The following CHM variants were observed in gnomAD, a reference collection of about 807,000 sequenced individuals.
CHM encodes the protein rab proteins geranylgeranyltransferase component A 1.
Under a neutral mutation model 49.0 loss-of-function variants are expected in CHM, and 10 were observed. The ratio of observed to expected loss-of-function variants is 0.20; its 90% CI spans 0.13 to 0.35. The LOEUF is 0.35. Among genes scored for constraint, CHM ranks in the 10% least tolerant of loss-of-function variants. The pLI is 1.00. For synonymous variants in CHM, 184 were observed against 167.5 expected (o/e 1.10, Z -0.76); for missense variants, 455 against 478.4 (o/e 0.95, Z 0.46).
At chrX:85,928,439 A>G (rs1041012905) in intron 8 of CHM, among the ~76,000 whole-genome samples, 2 of 110,567 alleles carry the variant, frequency 1.8e-5, no homozygotes, top group Non-Finnish European at 3.8e-5. Flanking sequence ...GCTACTCGAG[A>G]GGCTGAGGCA....
chrX:86,043,474 T>C (rs1004850415), intron 1 of CHM, among the ~76,000 whole-genome samples: 2 of 109,832 alleles, frequency 1.8e-5, no homozygotes, highest in African/African-American at 6.6e-5. Flanking sequence ...GACACAACTA[T>C]AGCTCACTGC....
At chrX:85,982,086 C>T (rs1603269939) in intron 2 of CHM, among the ~76,000 whole-genome samples, 1 of 111,793 alleles carries the variant, frequency 8.9e-6, no homozygotes, top group Middle Eastern at 4.6e-3. Flanking sequence ...TTATGTGAAC[C>T]GCCTGACATG....
intron 11 of CHM, among the ~76,000 whole-genome samples, chrX:85,896,688 C>G (rs1016928873): frequency 1.1e-4 from 12 of 107,308 alleles, no homozygotes; most frequent in Non-Finnish European, 1.5e-4. Flanking sequence ...GGGAAAAATA[C>G]TGAGGAGCCC....
chrX:85,962,832 G>C (rs5968756), intron 5 of CHM, among the ~76,000 whole-genome samples: 18,989 of 110,461 alleles, frequency 0.17, 1,548 homozygotes, highest in Non-Finnish European at 0.25. Context: ...AATATTGTAC[G>C]CTTCTAAGAT....
At chrX:85,932,444 C>T (rs1354848564) in intron 8 of CHM, among the ~76,000 whole-genome samples, 2 of 112,113 alleles carry the variant, frequency 1.8e-5, no homozygotes, top group Admixed American at 9.5e-5. Context: ...AGAAATAAAG[C>T]AATATTTCTT....
intron 4 of CHM, chrX:85,971,647 G>C (rs1930920785): frequency 4.0e-6 from 1 of 248,575 alleles, no homozygotes; most frequent in Non-Finnish European, 7.8e-6. Flanking sequence ...CCTCCACAGT[G>C]TGGAAGGGGA....
chrX:85,901,365 T>C (rs1359006025), intron 9 of CHM, among the ~76,000 whole-genome samples, 177 bp from the exon 10 acceptor site: 1 of 111,684 alleles, frequency 9.0e-6, no homozygotes, highest in Non-Finnish European at 1.9e-5. Flanking sequence ...AGAATATATA[T>C]TCTTGTTGCT....
In CHM at chrX:85,881,621, G is replaced by T. The variant is rs1334554469; in HGVS notation, c.1511-2558C>A. On this transcript the variant is annotated intron_variant, in intron 12 of 14. Coordinates refer to ENST00000357749, the MANE Select transcript of CHM (RefSeq NM_000390.4). ...CCTGCCTGCAGAGTGTCTGCCTTTA[G>T]TCACTAAATTATATTATGTGATTCT... 3.6e-5 allele frequency among the ~76,000 whole-genome samples: 4 copies of T among 111,593 alleles called. No individual in the cohort carries two copies. In the East Asian group the frequency reaches 8.5e-4, roughly 24 times the overall value.
At chrX:85,911,436 T>C (rs1927023596) in intron 8 of CHM, 98 bp from the exon 9 acceptor site, 1 of 353,686 alleles carries the variant, frequency 2.8e-6, no homozygotes, top group South Asian at 3.2e-5. Context: ...TAACTGGTAT[T>C]ACAGAAAAAA....
chrX:85,991,387 T>TA (rs1774009397), intron 2 of CHM, among the ~76,000 whole-genome samples: 1 of 111,567 alleles, frequency 9.0e-6, no homozygotes. Flanking sequence ...CATTACAACC[T>TA]ACAAATTCCC....
rs929668290 is a variant in CHM at position 86,005,221 on chromosome X, C to G, written c.116+22270G>C. On this transcript the variant is annotated intron_variant, in intron 2 of 14. Coordinates refer to ENST00000357749, the MANE Select transcript of CHM (RefSeq NM_000390.4). ...ACATGTTCTTTGAAACCAATGAGAACAAAGACACAACATACCAGAATCTCT... is the reference window on the plus strand; with the variant it reads ...ACATGTTCTTTGAAACCAATGAGAAGAAAGACACAACATACCAGAATCTCT... 2.7e-5 allele frequency among the ~76,000 whole-genome samples: 3 copies of G among 111,959 alleles called. No individual in the cohort carries two copies. The East Asian group carries it at 8.4e-4, about 31-fold the overall frequency.
At chrX:85,961,370 A>T (rs959995878) in intron 5 of CHM, among the ~76,000 whole-genome samples, 3 of 98,354 alleles carry the variant, frequency 3.1e-5, no homozygotes, top group Middle Eastern at 4.5e-3. Context: ...CAGTGAGCAG[A>T]GATGGCGCCA....
intron 4 of CHM, among the ~76,000 whole-genome samples, chrX:85,973,328 A>AAAAAAAAAAAAAAAAAAG (rs1931070685): frequency 9.9e-6 from 1 of 101,520 alleles, no homozygotes; most frequent in Admixed American, 1.1e-4. Flanking sequence ...AAAAAAAAAA[A>AAAAAAAAAAAAAAAAAAG]AAAGAAAGAA....
At chrX:85,988,808 T>G (rs1932042012) in intron 2 of CHM, among the ~76,000 whole-genome samples, 1 of 111,589 alleles carries the variant, frequency 9.0e-6, no homozygotes, top group African/African-American at 3.3e-5. Flanking sequence ...GTAAAAGTTC[T>G]CTACAATAAG....
intron 2 of CHM, among the ~76,000 whole-genome samples, chrX:86,016,722 G>A: frequency 8.9e-6 from 1 of 112,481 alleles, no homozygotes; most frequent in Non-Finnish European, 1.9e-5. Flanking sequence ...GCAGTGCAGA[G>A]GGGAAATGTG....
At position 85,862,760 on chromosome X, in the gene CHM, A is replaced by G. The variant is rs1923434081; in HGVS notation, c.*1870T>C. ...GGTAGAAAGGTGAGGCAAGAGCTAT[A>G]TTCCTTGGTTCTTTCCATTTCCCAT... is the stretch of plus-strand genomic sequence containing the variant. On this transcript the variant is annotated 3_prime_UTR_variant, in exon 15 of 15. Coordinates refer to ENST00000357749, the MANE Select transcript of CHM (RefSeq NM_000390.4). The G allele has an allele frequency of 9.0e-6, 1 of 111,178 alleles. No individual in the cohort carries two copies. The highest frequency in any genetic ancestry group is 3.8e-4 in the South Asian group (1 of 2,627). The allele number at this position is 111,178 out of a possible 1,213,427, so 9.2% of individuals were successfully genotyped here. A position where few individuals can be genotyped will look rare whatever the true frequency, so the allele number is the denominator to read the frequency against.
At chrX:85,913,327 AAAAAAAAAGAAAG>A (rs1927185315) in intron 8 of CHM, among the ~76,000 whole-genome samples, 2 of 80,449 alleles carry the variant, frequency 2.5e-5, no homozygotes, top group African/African-American at 8.5e-5. Context: ...AAAAAAAAAA[AAAAAAAAAGAAAG>A]AAAGAAAGAA....
intron 12 of CHM, among the ~76,000 whole-genome samples, chrX:85,881,808 T>C (rs770594139): frequency 8.9e-6 from 1 of 111,997 alleles, no homozygotes; most frequent in African/African-American, 3.2e-5. Context: ...CAGTGAAATT[T>C]TACTTATTCT....
chrX:85,869,900 G>A (rs10156975), intron 14 of CHM, among the ~76,000 whole-genome samples: 3,954 of 112,038 alleles, frequency 0.035, 143 homozygotes, highest in African/African-American at 0.11. Context: ...AGTACAGAGA[G>A]AACAAAGTGA....
Sources: gnomAD v4.1 joint callset for allele counts (sites outside exome capture counted in the v4.1 genomes callset) on GRCh38, gnomAD v4.1.1 for gene constraint, MANE v1.5 for transcripts, NCBI Gene and HGNC (gene_info 2026-07-23, HGNC 2026-07-21) for gene names.